Variants in ZNF140 observed in about 807,000 individuals in gnomAD.
The protein encoded by ZNF140 is zinc finger protein 140.
Under a neutral mutation model 12.9 loss-of-function variants are expected in ZNF140, and 13 were observed. That is an observed-to-expected ratio of 1.01 (90% CI 0.66 to 1.60). ZNF140 has a LOEUF of 1.60. Among genes scored for constraint, ZNF140 ranks in the 40% most tolerant of loss-of-function variants. ZNF140 has a pLI of 0.00. For synonymous variants in ZNF140, 214 were observed against 186.7 expected, an observed-to-expected ratio of 1.15 and a Z score of -1.19; for missense variants, 531 against 548.8, an observed-to-expected ratio of 0.97 and a Z score of 0.32.
rs1444531712 is a variant in ZNF140, at chr12:133,106,221, A to T, written c.944A>T (p.His315Leu). 1.2e-6 allele frequency: 2 copies of T among 1,614,092 alleles called. No homozygotes were observed. The highest frequency in any genetic ancestry group is 2.7e-5 in the African/African-American group (2 of 74,936). Reference sequence around the variant, plus strand: ...GGGAAGGCATTTCGCCGTTTCTCACACCTTACTCGACATCAGAGCATCCAT... The same window carrying T: ...GGGAAGGCATTTCGCCGTTTCTCACTCCTTACTCGACATCAGAGCATCCAT... ...ECGKAFRRFSHLTRHQSIHTT... is the reference protein window; with the variant it reads ...ECGKAFRRFSLLTRHQSIHTT... The change falls in exon 5 of 5, where the codon CAC becomes CTC. Residue 315 changes from histidine (H) to leucine (L), a missense_variant. Transcript: ENST00000355557.
In ZNF140 at chr12:133,105,565, T is replaced by C. The variant is rs200138484; in HGVS notation, c.288T>C (p.Asp96=). ...KDFSPKNVIY[D]DSSQYLIMER... is the part of the protein sequence containing the mutation. The stretch of plus-strand genomic sequence containing the variant: ...TTTCACCAAAAAATGTCATTTATGA[T>C]GACTCATCCCAGTATTTGATCATGG... Residue 96 remains aspartate, a synonymous_variant, in exon 5 of 5, where the codon GAT becomes GAC. Transcript: ENST00000355557. 1.9e-4 allele frequency: 302 copies of C among 1,613,370 alleles called. No homozygotes were observed. The highest frequency in any genetic ancestry group is 2.1e-4 in the Non-Finnish European group (244 of 1,179,876).
At chr12:133,102,801 G>C (rs1487157647) in intron 4 of ZNF140, among the ~76,000 whole-genome samples, 1 of 151,408 alleles carries the variant, frequency 6.6e-6, no homozygotes, top group Non-Finnish European at 1.5e-5. Flanking sequence ...CTTTTAATAA[G>C]TACTGAGTTT....
chr12:133,095,074 T>A (rs1316625501), intron 4 of ZNF140, among the ~76,000 whole-genome samples: 6 of 151,056 alleles, frequency 4.0e-5, no homozygotes, highest in Admixed American at 2.6e-4. Flanking sequence ...TAAAGTTGCT[T>A]TAATAATAGC....
intron 4 of ZNF140, among the ~76,000 whole-genome samples, chr12:133,096,750 A>G (rs1278600947): frequency 1.3e-5 from 2 of 152,174 alleles, no homozygotes; most frequent in Non-Finnish European, 2.9e-5. Context: ...TATGATTTCT[A>G]TTCTTTGAAA....
In ZNF140 at chr12:133,103,699, T is replaced by TG. The variant is rs917406309; in HGVS notation, c.233-1809dup. ...GGAGTGGATTTTTAAATCTTATCTC[T>TG]GGTCTTTTATACAATTTTTACCCTA... On this transcript the variant is annotated intron_variant, in intron 4 of 4. Coordinates refer to ENST00000355557, the MANE Select transcript of ZNF140 (RefSeq NM_003440.4). Among the ~76,000 whole-genome samples, 22 of 152,358 alleles carry TG rather than the reference T, an allele frequency of 1.4e-4. No individual in the cohort carries two copies. The South Asian group carries it at 2.1e-3, about 14-fold the overall frequency.
chr12:133,100,829 TG>T (rs149036470), intron 4 of ZNF140, among the ~76,000 whole-genome samples: 12,048 of 152,082 alleles, frequency 0.079, 643 homozygotes, highest in Non-Finnish European at 0.11. Flanking sequence ...GACTAACAGG[TG>T]GGTAGCATTC....
rs1299665398 is a variant in ZNF140, at chr12:133,084,025, A to G, written c.232+464A>G. 2.2e-4 allele frequency: 70 copies of G among 322,314 alleles called. No individual in the cohort carries two copies. In the East Asian group the frequency reaches 5.3e-3, roughly 24 times the overall value. 20.0% of individuals were successfully genotyped at this position (322,314 alleles called of 1,614,324 possible). ...TTCACTTACAACTCCATAAAACACT[A>G]CTTCATACCCAATTCTGTTTTTTCT... On this transcript the variant is annotated intron_variant, in intron 4 of 4. Transcript: ENST00000355557.
chr12:133,106,278 G>A lies in ZNF140; in HGVS notation c.1001G>A (p.Cys334Tyr), dbSNP rs1377051604. 4 of 1,614,182 alleles carry A rather than the reference G, an allele frequency of 2.5e-6. No individual in the cohort carries two copies. Among genetic ancestry groups the A allele is most frequent in the South Asian group, 1.1e-5 (1 of 91,086 alleles). ...TTKTPYECNE[C>Y]RKAFRCHSFL... ...AAAACCCCGTATGAATGTAATGAAT[G>A]TAGGAAAGCTTTCCGTTGTCACTCA... is the stretch of plus-strand genomic sequence containing the variant. Residue 334 changes from cysteine to tyrosine, a missense_variant, in exon 5 of 5, where the codon TGT becomes TAT. Transcript: ENST00000355557.
intron 4 of ZNF140, among the ~76,000 whole-genome samples, chr12:133,095,800 A>G (rs1182999488): frequency 3.3e-5 from 5 of 152,100 alleles, no homozygotes; most frequent in Non-Finnish European, 5.9e-5. Flanking sequence ...CACGTAATCC[A>G]GATTTATGTT....
In ZNF140 at chr12:133,105,778, A is replaced by G; in HGVS notation, c.501A>G (p.Gly167=). 1 of 1,614,172 alleles carries G rather than the reference A, an allele frequency of 6.2e-7. No homozygotes were observed. Among genetic ancestry groups the G allele is most frequent in the Non-Finnish European group, 8.5e-7 (1 of 1,180,036 alleles). Residue 167 remains glycine, a synonymous_variant, in exon 5 of 5, where the codon GGA becomes GGG. Transcript: ENST00000355557. ...GGCCCTATGGATGCCATGAATGTGG[A>G]AAAACTTTTGGTCGACGCTTTTCCC... ...VERPYGCHEC[G]KTFGRRFSLV...
chr12:133,103,428 A>ATT (rs144653447), intron 4 of ZNF140, among the ~76,000 whole-genome samples: 3 of 141,042 alleles, frequency 2.1e-5, no homozygotes, highest in African/African-American at 5.4e-5. Flanking sequence ...CTAAGTTTTA[A>ATT]TTTTTTTTTT....
chr12:133,091,133 G>T (rs183731169), intron 4 of ZNF140, among the ~76,000 whole-genome samples: 8 of 149,770 alleles, frequency 5.3e-5, no homozygotes, highest in Non-Finnish European at 8.9e-5. Context: ...GCTGGGGGAC[G>T]GTCAGGTCTT....
At chr12:133,083,884 C>T (rs961928325) in intron 4 of ZNF140, among the ~76,000 whole-genome samples, 7 of 151,540 alleles carry the variant, frequency 4.6e-5, no homozygotes, top group Admixed American at 1.3e-4. Context: ...GGCGTGAACC[C>T]GGGAGGCAGA....
chr12:133,100,213 G>A (rs1955295741), intron 4 of ZNF140, among the ~76,000 whole-genome samples: 2 of 127,332 alleles, frequency 1.6e-5, no homozygotes, highest in Non-Finnish European at 1.6e-5. Flanking sequence ...TGTCACCCAG[G>A]CTGGAGTGCA....
At chr12:133,093,384 C>G in intron 4 of ZNF140, 1 of 695,094 alleles carries the variant, frequency 1.4e-6, no homozygotes, top group South Asian at 1.5e-5. Context: ...AGCATATTCT[C>G]TGGAGTTTGT....
intron 4 of ZNF140, among the ~76,000 whole-genome samples, chr12:133,103,531 C>T (rs1202198238): frequency 6.6e-6 from 1 of 151,808 alleles, no homozygotes; most frequent in African/African-American, 2.4e-5. Flanking sequence ...CAGCCTCAGC[C>T]TCCCAAAGTT....
Position 133,081,269 on chromosome 12 carries a change from C to A in ZNF140, c.-48-4C>A. 4.6e-6 allele frequency: 7 copies of A among 1,529,348 alleles called. No individual in the cohort carries two copies. Among genetic ancestry groups the A allele is most frequent in the Non-Finnish European group, 6.2e-6 (7 of 1,124,242 alleles). 94.7% of individuals were successfully genotyped at this position (1,529,348 alleles called of 1,614,324 possible). A position where few individuals can be genotyped will look rare whatever the true frequency, so the allele number is the denominator to read the frequency against. On this transcript the variant is annotated splice_polypyrimidine_tract_variant and splice_region_variant and intron_variant, in intron 1 of 4. Coordinates refer to ENST00000355557, the MANE Select transcript of ZNF140 (RefSeq NM_003440.4). ...CGCTCAGGGCTCCTTTCTCTCTCTG[C>A]CAGGTCTGCCATTTTACACTTTTCT...
At chr12:133,102,986 G>A (rs1349473009) in intron 4 of ZNF140, among the ~76,000 whole-genome samples, 1 of 152,042 alleles carries the variant, frequency 6.6e-6, no homozygotes, top group Admixed American at 6.6e-5. Flanking sequence ...TGAGAAATAT[G>A]GCAAATACAC....
intron 4 of ZNF140, among the ~76,000 whole-genome samples, 190 bp downstream of exon 4, chr12:133,083,751 A>C (rs1377069912): frequency 2.6e-5 from 4 of 152,154 alleles, no homozygotes; most frequent in African/African-American, 9.7e-5. Context: ...CGACGTCAGG[A>C]GATCGAGACC....
Sources: gnomAD v4.1 joint callset for allele counts (sites outside exome capture counted in the v4.1 genomes callset) on GRCh38, gnomAD v4.1.1 for gene constraint, MANE v1.5 for transcripts, NCBI Gene and HGNC (gene_info 2026-07-23, HGNC 2026-07-21) for gene names.